The following ADGRL4 variants were observed in gnomAD, a reference collection of about 807,000 sequenced individuals.
ADGRL4 encodes EGF, latrophilin and seven transmembrane domain containing 1.
In ADGRL4, 90 loss-of-function variants were observed where a neutral mutation model predicts 74.8. The ratio of observed to expected loss-of-function variants is 1.20; its 90% CI spans 1.02 to 1.43. The LOEUF is 1.43. Among genes scored for constraint, ADGRL4 ranks in the 40% most tolerant of loss-of-function variants. The pLI is 0.00. For synonymous variants in ADGRL4, 311 were observed against 279.2 expected (o/e 1.11, Z -1.14); for missense variants, 881 against 814.3 (o/e 1.08, Z -1.00).
At chr1:78,965,818 A>C (rs541242210) in intron 2 of ADGRL4, among the ~76,000 whole-genome samples, 1 of 152,324 alleles carries the variant, frequency 6.6e-6, no homozygotes, top group Admixed American at 6.5e-5. Flanking sequence ...CACTCACTGA[A>C]GAACACAGCA....
Position 78,894,781 on chromosome 1 carries a change from C to A in ADGRL4, c.1750-1592G>T, listed in dbSNP as rs1270529165. Among the ~76,000 whole-genome samples the A allele has an allele frequency of 2.0e-5, 3 of 151,746 alleles. No homozygotes were observed. The East Asian group carries it at 5.8e-4, about 29-fold the overall frequency. ...GAGGTATTTATATTGATCTTGCTAT[C>A]TCAACAAAGAAAGACTTAGAAGATA... On this transcript the variant is annotated intron_variant, in intron 12 of 14. Transcript: ENST00000370742.
chr1:78,965,913 G>A (rs945579938), intron 2 of ADGRL4, among the ~76,000 whole-genome samples: 1 of 150,924 alleles, frequency 6.6e-6, no homozygotes. Context: ...TATCTCAAAT[G>A]AATGTTTTGC....
intron 2 of ADGRL4, among the ~76,000 whole-genome samples, chr1:78,978,208 A>G (rs1650327739): frequency 6.6e-6 from 1 of 151,848 alleles, no homozygotes; most frequent in Non-Finnish European, 1.5e-5. Flanking sequence ...AGTAGCCTAT[A>G]TTCCTGTCTG....
At chr1:78,936,237 G>T (rs2100686372) in intron 7 of ADGRL4, 58 bp downstream of exon 7, 2 of 1,520,034 alleles carry the variant, frequency 1.3e-6, no homozygotes, top group Non-Finnish European at 1.8e-6. Flanking sequence ...TCAAATGCAT[G>T]ATAAATATTT....
chr1:78,898,766 T>A (rs1003440573), intron 12 of ADGRL4, among the ~76,000 whole-genome samples: 2 of 152,186 alleles, frequency 1.3e-5, no homozygotes, highest in Non-Finnish European at 2.9e-5. Context: ...TATTTATCTA[T>A]AAAGAGACCT....
At chr1:78,931,865 T>C (rs111529387) in intron 7 of ADGRL4, among the ~76,000 whole-genome samples, 4,602 of 151,284 alleles carry the variant, frequency 0.03, 139 homozygotes, top group South Asian at 0.053. Flanking sequence ...AGGGATCAAG[T>C]CAACCAGAAG....
intron 8 of ADGRL4, among the ~76,000 whole-genome samples, chr1:78,923,343 G>A (rs1056939555): frequency 1.3e-5 from 2 of 151,984 alleles, no homozygotes; most frequent in Non-Finnish European, 2.9e-5. Flanking sequence ...AGATAGGAAA[G>A]GAAAAACATT....
chr1:78,976,460 C>T (rs923771785), intron 2 of ADGRL4, among the ~76,000 whole-genome samples: 5 of 151,730 alleles, frequency 3.3e-5, no homozygotes, highest in African/African-American at 9.7e-5. Flanking sequence ...AAAAAATCCT[C>T]TATAAAGTCT....
chr1:78,894,878 C>A (rs1450954476), intron 12 of ADGRL4, among the ~76,000 whole-genome samples: 2 of 151,880 alleles, frequency 1.3e-5, no homozygotes, highest in Non-Finnish European at 2.9e-5. Context: ...ATTTAAGTTT[C>A]TTAAACTTCT....
chr1:78,992,584 C>T (rs937615274), intron 2 of ADGRL4, among the ~76,000 whole-genome samples: 4 of 152,040 alleles, frequency 2.6e-5, no homozygotes, highest in African/African-American at 9.7e-5. Flanking sequence ...TACTCTCATT[C>T]TTATCCTACT....
chr1:78,913,679 C>G (rs1648809535), intron 12 of ADGRL4, among the ~76,000 whole-genome samples: 2 of 151,664 alleles, frequency 1.3e-5, no homozygotes, highest in Non-Finnish European at 2.9e-5. Flanking sequence ...GGGTACTAGG[C>G]TTAATACTTG....
At chr1:78,972,469 T>A (rs1374475488) in intron 2 of ADGRL4, among the ~76,000 whole-genome samples, 1 of 152,142 alleles carries the variant, frequency 6.6e-6, no homozygotes, top group East Asian at 1.9e-4. Context: ...ATCCGAAACA[T>A]GAGTCTCTTC....
rs187712697 is a variant in ADGRL4, at chr1:78,898,822, C to T, written c.1750-5633G>A. On this transcript the variant is annotated intron_variant, in intron 12 of 14. Transcript: ENST00000370742. ...TGCAGTTCATATATTTCATGTATTT[C>T]AAAGCTTAGCACATACATTTTGTTG... Among the ~76,000 whole-genome samples the T allele has an allele frequency of 9.3e-4, 142 of 152,050 alleles. 1 individual carries two copies. Among genetic ancestry groups the T allele is most frequent in the African/African-American group, 3.3e-3 (136 of 41,492 alleles).
At chr1:78,997,541 T>C (rs1318924426) in intron 2 of ADGRL4, among the ~76,000 whole-genome samples, 1 of 152,162 alleles carries the variant, frequency 6.6e-6, no homozygotes, top group Non-Finnish European at 1.5e-5. Context: ...TTTTGTTGTG[T>C]GATAGTTCTT....
chr1:78,990,762 T>C (rs1353229809), intron 2 of ADGRL4, among the ~76,000 whole-genome samples: 1 of 152,110 alleles, frequency 6.6e-6, no homozygotes, highest in Admixed American at 6.6e-5. Flanking sequence ...AAGCATCTGC[T>C]TGCCTTTCTG....
At chr1:78,993,638 G>A (rs910827018) in intron 2 of ADGRL4, among the ~76,000 whole-genome samples, 5 of 151,316 alleles carry the variant, frequency 3.3e-5, no homozygotes, top group Middle Eastern at 3.2e-3. Context: ...GCAGGATCTC[G>A]GCTCACTGAA....
Position 78,938,269 on chromosome 1 carries a change from ATG to A in ADGRL4, c.405_406del (p.Ile136LysfsTer12). ...TTGTAGCAAAGCCACAGGTTCTTTT[ATG>A]GATCTGATCTGAGAAAAAATGAGTC... On this transcript the variant is annotated frameshift_variant, in exon 5 of 15. Coordinates refer to ENST00000370742, the MANE Select transcript of ADGRL4 (RefSeq NM_022159.4). LOFTEE classifies it high-confidence loss of function. 1 of 1,599,820 alleles carries A rather than the reference ATG, an allele frequency of 6.3e-7. No individual in the cohort carries two copies. The highest frequency in any genetic ancestry group is 8.5e-7 in the Non-Finnish European group (1 of 1,176,336).
rs1648243284 is a variant in ADGRL4, at chr1:78,890,385, C to A, written c.*769G>T. 1 of 151,374 alleles carries A rather than the reference C, an allele frequency of 6.6e-6. No homozygotes were observed. Among genetic ancestry groups the A allele is most frequent in the Admixed American group, 6.6e-5 (1 of 15,164 alleles). 9.4% of individuals were successfully genotyped at this position (151,374 alleles called of 1,614,324 possible). A position where few individuals can be genotyped will look rare whatever the true frequency, so the allele number is the denominator to read the frequency against. On this transcript the variant is annotated 3_prime_UTR_variant, in exon 15 of 15. Transcript: ENST00000370742. The stretch of plus-strand genomic sequence containing the variant: ...GACACATTTATATTTTACTGATTAA[C>A]TATCCAAAGTCACAATCTGTGAAAT...
chr1:78,945,535 A>G (rs1347885413), intron 3 of ADGRL4, among the ~76,000 whole-genome samples: 1 of 152,136 alleles, frequency 6.6e-6, no homozygotes. Context: ...TCATCTGTTG[A>G]AGTTTATAAA....
Sources: gnomAD v4.1 joint callset for allele counts (sites outside exome capture counted in the v4.1 genomes callset) on GRCh38, gnomAD v4.1.1 for gene constraint, MANE v1.5 for transcripts, NCBI Gene and HGNC (gene_info 2026-07-23, HGNC 2026-07-21) for gene names.